MXI1: variants seen among roughly 807,000 people sequenced by gnomAD.
The protein encoded by MXI1 is max-interacting protein 1.
In MXI1, 18 loss-of-function variants were observed where a neutral mutation model predicts 36.9. That is an observed-to-expected ratio of 0.49 (90% CI 0.34 to 0.72). The LOEUF (loss-of-function observed/expected upper bound fraction) is 0.72, where lower values mean the gene tolerates loss of function less well. Among genes scored for constraint, MXI1 ranks in the 30% least tolerant of loss-of-function variants. MXI1 has a pLI of 0.01. For missense variants in MXI1, 304 were observed against 379.1 expected (o/e 0.80, Z 1.64); for synonymous variants, 160 against 146.7 (o/e 1.09, Z -0.65).
At chr10:110,221,708 G>C (rs1854811495) in intron 1 of MXI1, among the ~76,000 whole-genome samples, 1 of 152,234 alleles carries the variant, frequency 6.6e-6, no homozygotes, top group Admixed American at 6.5e-5. Context: ...GCAGCTGTTT[G>C]AGCATTTGCC....
chr10:110,252,980 G>A (rs1564717508), intron 3 of MXI1, among the ~76,000 whole-genome samples: 1 of 152,060 alleles, frequency 6.6e-6, no homozygotes, highest in African/African-American at 2.4e-5. Flanking sequence ...AGAAGCATAT[G>A]GACTCATTTA....
At chr10:110,253,554 A>G (rs1279313993) in intron 3 of MXI1, among the ~76,000 whole-genome samples, 1 of 152,160 alleles carries the variant, frequency 6.6e-6, no homozygotes, top group Non-Finnish European at 1.5e-5. Flanking sequence ...ACTTGTTAGT[A>G]GGAAAGAAAC....
At chr10:110,246,401 C>T (rs1855865110) in intron 3 of MXI1, among the ~76,000 whole-genome samples, 1 of 152,120 alleles carries the variant, frequency 6.6e-6, no homozygotes, top group African/African-American at 2.4e-5. Flanking sequence ...AATAAGATCT[C>T]ATGACCTTCA....
chr10:110,239,745 A>T (rs1000078444), intron 2 of MXI1, among the ~76,000 whole-genome samples: 1 of 152,208 alleles, frequency 6.6e-6, no homozygotes, highest in African/African-American at 2.4e-5. Flanking sequence ...TTTTTAAAGA[A>T]TTCAGTTTGT....
chr10:110,240,982 T>C (rs1263055684), intron 2 of MXI1, among the ~76,000 whole-genome samples: 2 of 151,976 alleles, frequency 1.3e-5, no homozygotes, highest in African/African-American at 4.8e-5. Flanking sequence ...AACTGTACCA[T>C]TTCGTATAGT....
chr10:110,241,309 G>C (rs772367678), intron 2 of MXI1, among the ~76,000 whole-genome samples: 1 of 151,956 alleles, frequency 6.6e-6, no homozygotes. Flanking sequence ...GCTCTCAGAG[G>C]TGCATTTTAT....
At chr10:110,281,214 C>T (rs889168611) in intron 5 of MXI1, among the ~76,000 whole-genome samples, 2 of 152,086 alleles carry the variant, frequency 1.3e-5, no homozygotes, top group African/African-American at 2.4e-5. Context: ...CTACGCTCAC[C>T]CTCAATATTT....
intron 3 of MXI1, among the ~76,000 whole-genome samples, chr10:110,273,070 T>C (rs1420094475): frequency 7.1e-6 from 1 of 140,554 alleles, no homozygotes; most frequent in Non-Finnish European, 1.5e-5. Context: ...TTTTGTGAGA[T>C]GGAGTCTCGC....
At chr10:110,216,508 A>G (rs1854638496) in intron 1 of MXI1, among the ~76,000 whole-genome samples, 1 of 151,954 alleles carries the variant, frequency 6.6e-6, no homozygotes, top group Non-Finnish European at 1.5e-5. Flanking sequence ...TTAGAACTTC[A>G]CTTGTCTTAA....
chr10:110,213,775 C>T (rs908878074), intron 1 of MXI1, among the ~76,000 whole-genome samples: 3 of 152,242 alleles, frequency 2.0e-5, no homozygotes, highest in Admixed American at 2.0e-4. Context: ...GAAACAGTCT[C>T]CCACTGACAC....
At chr10:110,277,325 G>T (rs963132002) in intron 3 of MXI1, among the ~76,000 whole-genome samples, 3 of 152,132 alleles carry the variant, frequency 2.0e-5, no homozygotes, top group Non-Finnish European at 4.4e-5. Flanking sequence ...TAGTGTAGCT[G>T]CCAGTCTTTG....
At chr10:110,218,207 T>C (rs1024634321) in intron 1 of MXI1, among the ~76,000 whole-genome samples, 1 of 152,012 alleles carries the variant, frequency 6.6e-6, no homozygotes, top group African/African-American at 2.4e-5. Context: ...TCCCAGCACT[T>C]TGGGAGGCCG....
intron 2 of MXI1, among the ~76,000 whole-genome samples, chr10:110,238,811 T>C (rs934397932): frequency 4.0e-4 from 61 of 152,300 alleles, no homozygotes; most frequent in African/African-American, 1.4e-3. Context: ...TTCAAGAAAT[T>C]TGTTCATATC....
At chr10:110,284,709 G>A (rs1857380734) in intron 5 of MXI1, 115 bp from the exon 6 acceptor site, 4 of 1,003,254 alleles carry the variant, frequency 4.0e-6, no homozygotes, top group East Asian at 2.7e-5. Flanking sequence ...AGACATCACT[G>A]ATAATAAGCT....
chr10:110,224,771 C>T (rs575990356), intron 1 of MXI1, among the ~76,000 whole-genome samples: 2 of 152,044 alleles, frequency 1.3e-5, no homozygotes, highest in African/African-American at 4.8e-5. Context: ...CCTCAGCCTC[C>T]CGAGTAGCTT....
At chr10:110,240,846 A>C (rs1855646401) in intron 2 of MXI1, among the ~76,000 whole-genome samples, 1 of 152,076 alleles carries the variant, frequency 6.6e-6, no homozygotes, top group Non-Finnish European at 1.5e-5. Context: ...TGAAAATGTT[A>C]ACAAAGTAGG....
At chr10:110,261,026 G>A in intron 3 of MXI1, 2 of 985,152 alleles carry the variant, frequency 2.0e-6, no homozygotes, top group Non-Finnish European at 2.4e-6. Flanking sequence ...AGTGATCACT[G>A]GATGGAGTGA....
chr10:110,256,340 A>T (rs149631025), intron 3 of MXI1, among the ~76,000 whole-genome samples: 1 of 152,144 alleles, frequency 6.6e-6, no homozygotes, highest in Non-Finnish European at 1.5e-5. Flanking sequence ...ATGGTGGCTC[A>T]TGCCTGTAAT....
chr10:110,233,704 A>C (rs562163359), intron 2 of MXI1, among the ~76,000 whole-genome samples: 1 of 152,192 alleles, frequency 6.6e-6, no homozygotes, highest in South Asian at 2.1e-4. Flanking sequence ...GTTTTGTGAT[A>C]GTCTGTCTTC....
Sources: gnomAD v4.1 joint callset for allele counts (sites outside exome capture counted in the v4.1 genomes callset) on GRCh38, gnomAD v4.1.1 for gene constraint, MANE v1.5 for transcripts, NCBI Gene and HGNC (gene_info 2026-07-23, HGNC 2026-07-21) for gene names.